MYO5B: variants seen among roughly 807,000 people sequenced by gnomAD.
MYO5B encodes the protein myosin VB.
MYO5B carries 143 observed loss-of-function variants against 229.3 expected under a neutral mutation model. That is an observed-to-expected ratio of 0.62 (90% CI 0.54 to 0.72). The LOEUF is 0.72. Among genes scored for constraint, MYO5B ranks in the 30% least tolerant of loss-of-function variants. MYO5B has a pLI of 0.00. For synonymous variants in MYO5B, 918 were observed against 885.2 expected (o/e 1.04, Z -0.66); for missense variants, 2,321 against 2,331.0 (o/e 1.00, Z 0.09).
intron 1 of MYO5B, among the ~76,000 whole-genome samples, chr18:50,147,501 T>C (rs1241002458): frequency 6.6e-6 from 1 of 152,342 alleles, no homozygotes. Flanking sequence ...AATTCACTCA[T>C]TCATTCAGTC....
chr18:50,082,297 A>T (rs932606497), intron 1 of MYO5B, among the ~76,000 whole-genome samples: 1 of 152,248 alleles, frequency 6.6e-6, no homozygotes, highest in African/African-American at 2.4e-5. Context: ...CCTCAGCCTT[A>T]TACTATGAAT....
intron 1 of MYO5B, among the ~76,000 whole-genome samples, chr18:50,156,955 G>A (rs1397126008): frequency 6.6e-6 from 1 of 152,132 alleles, no homozygotes; most frequent in Non-Finnish European, 1.5e-5. Flanking sequence ...GAGCCACACT[G>A]ATCCCCTGTA....
intron 1 of MYO5B, among the ~76,000 whole-genome samples, chr18:50,184,873 T>TAC (rs72463376): frequency 0.3 from 43,908 of 148,218 alleles, 6,513 homozygotes; most frequent in Middle Eastern, 0.36. Context: ...ACCCTATCTC[T>TAC]ACACACACAC....
chr18:49,963,405 TTA>T (rs2025584364), intron 10 of MYO5B, among the ~76,000 whole-genome samples: 1 of 148,100 alleles, frequency 6.8e-6, no homozygotes, highest in East Asian at 1.9e-4. Flanking sequence ...TTTAATTTAA[TTA>T]ATTAATTAAT....
intron 16 of MYO5B, among the ~76,000 whole-genome samples, chr18:49,932,066 C>T (rs991775844): frequency 6.6e-6 from 1 of 152,218 alleles, no homozygotes; most frequent in African/African-American, 2.4e-5. Context: ...CTTCTTCTTC[C>T]AGGACCTCCT....
At chr18:49,909,756 G>A (rs1187456371) in intron 18 of MYO5B, among the ~76,000 whole-genome samples, 1 of 152,198 alleles carries the variant, frequency 6.6e-6, no homozygotes, top group Non-Finnish European at 1.5e-5. Flanking sequence ...GGGAGGCTAG[G>A]AGGTATTTCA....
At chr18:50,135,235 C>A (rs1244602799) in intron 1 of MYO5B, among the ~76,000 whole-genome samples, 2 of 152,198 alleles carry the variant, frequency 1.3e-5, no homozygotes, top group African/African-American at 2.4e-5. Flanking sequence ...ACATTTCCTT[C>A]CAATTTCACT....
At position 50,162,904 on chromosome 18, in the gene MYO5B, C is replaced by A. The variant is rs1382065397; in HGVS notation, c.27+31863G>T. 2.0e-5 allele frequency among the ~76,000 whole-genome samples: 3 copies of A among 152,222 alleles called. No homozygotes were observed. In the South Asian group the frequency reaches 6.2e-4, roughly 32 times the overall value. ...AGCCCTGTCACAGCGGCATCTCCCT[C>A]CCACATTCCAAGCTACTCGGAGCCA... On this transcript the variant is annotated intron_variant, in intron 1 of 39. Transcript: ENST00000285039.
chr18:50,130,722 T>C (rs2144546393), intron 1 of MYO5B, among the ~76,000 whole-genome samples: 1 of 152,058 alleles, frequency 6.6e-6, no homozygotes, highest in South Asian at 2.1e-4. Flanking sequence ...GAACCAACAA[T>C]ATCGTCTACA....
At chr18:50,134,171 C>T (rs1464400248) in intron 1 of MYO5B, among the ~76,000 whole-genome samples, 1 of 152,132 alleles carries the variant, frequency 6.6e-6, no homozygotes, top group Non-Finnish European at 1.5e-5. Context: ...TTTAACTACA[C>T]AGATACATTA....
chr18:50,112,134 C>A (rs539319385), intron 1 of MYO5B, among the ~76,000 whole-genome samples: 9 of 152,280 alleles, frequency 5.9e-5, no homozygotes, highest in African/African-American at 2.2e-4. Context: ...GAAAGCCTCT[C>A]TAAGGAAGTG....
rs776519992 is a variant in MYO5B at position 49,826,533 on chromosome 18, G to C, written c.5485C>G (p.Leu1829Val). ...PVLFPFNPSS[L>V]TMDSIHIPAC... ...GGGATGTGGATTGAGTCCATGGTTA[G>C]AGAAGATGGATTAAATGGAAACAAA... is the stretch of plus-strand genomic sequence containing the variant. The change falls in exon 40 of 40, where the codon CTA (leucine) becomes GTA (valine). Residue 1829 changes from leucine (L) to valine (V), a missense_variant. Leu to Val is a conservative substitution (Grantham distance 32). Around this residue, in one of 2 missense-constraint regions of MYO5B, gnomAD observed 208 missense variants for 286.3 expected, o/e 0.73. Transcript: ENST00000285039. 2.5e-6 allele frequency: 4 copies of C among 1,613,960 alleles called. No homozygotes were observed. The highest frequency in any genetic ancestry group is 2.7e-5 in the African/African-American group (2 of 74,914).
chr18:50,129,813 T>C (rs931656806), intron 1 of MYO5B, among the ~76,000 whole-genome samples: 7 of 152,182 alleles, frequency 4.6e-5, no homozygotes, highest in African/African-American at 1.7e-4. Context: ...ATCATGGGAC[T>C]AGTACAGGAG....
At chr18:49,841,517 G>T in intron 34 of MYO5B, 63 bp from the exon 35 acceptor site, 1 of 1,418,052 alleles carries the variant, frequency 7.1e-7, no homozygotes, top group East Asian at 2.3e-5. Flanking sequence ...TGCTTCCTCG[G>T]TACCTCTTTC....
At chr18:50,081,887 C>T (rs947759307) in intron 1 of MYO5B, among the ~76,000 whole-genome samples, 2 of 152,102 alleles carry the variant, frequency 1.3e-5, no homozygotes, top group African/African-American at 4.8e-5. Context: ...GTCTTTCTTG[C>T]CTCATCAATT....
At chr18:49,866,488 A>G (rs534709483) in intron 27 of MYO5B, among the ~76,000 whole-genome samples, 7 of 152,260 alleles carry the variant, frequency 4.6e-5, no homozygotes, top group African/African-American at 1.4e-4. Flanking sequence ...CTCTGTCCCT[A>G]TGAAACACTA....
intron 1 of MYO5B, chr18:50,097,645 G>A (rs900646660): frequency 1.6e-5 from 3 of 183,570 alleles, no homozygotes; most frequent in African/African-American, 7.1e-5. Context: ...AGCATGATGG[G>A]TATGTCGACC....
intron 4 of MYO5B, among the ~76,000 whole-genome samples, chr18:50,034,432 G>A (rs1029778865): frequency 2.6e-5 from 4 of 152,206 alleles, no homozygotes; most frequent in Admixed American, 1.3e-4. Context: ...CTGAGCTGCT[G>A]ACAACAGAAG....
At chr18:49,921,062 C>T (rs1623231) in intron 17 of MYO5B, among the ~76,000 whole-genome samples, 99,888 of 152,020 alleles carry the variant, frequency 0.66, 33,055 homozygotes, top group Middle Eastern at 0.74. Flanking sequence ...CTGTTTTAAA[C>T]TCAACCATGA....
Sources: allele counts gnomAD v4.1 joint callset (sites outside exome capture counted in the v4.1 genomes callset), GRCh38; gene constraint gnomAD v4.1.1; regional missense constraint gnomAD v4.1.1; transcripts MANE v1.5; gene names NCBI Gene and HGNC (gene_info 2026-07-23, HGNC 2026-07-21).